Variants in ZNF816 observed in about 807,000 individuals in gnomAD.
ZNF816 encodes the protein zinc finger protein 816, also known as zinc finger protein 816A.
ZNF816 carries 11 observed loss-of-function variants against 8.3 expected under a neutral mutation model. The ratio of observed to expected loss-of-function variants is 1.32; its 90% CI spans 0.83 to 2.19. ZNF816 has a LOEUF of 2.19. Among genes scored for constraint, ZNF816 ranks in the 30% most tolerant of loss-of-function variants. The pLI is 0.00. For missense variants in ZNF816, 710 were observed against 779.3 expected (o/e 0.91, Z 1.06); for synonymous variants, 255 against 254.5 (o/e 1.00, Z -0.02).
chr19:52,952,926 T>C lies in ZNF816; in HGVS notation c.64-49A>G, dbSNP rs185038404. 2.2e-4 allele frequency: 342 copies of C among 1,558,964 alleles called. 1 individual carries two copies. The highest frequency in any genetic ancestry group is 4.2e-4 in the Admixed American group (20 of 47,848). On this transcript the variant is annotated intron_variant, in intron 2 of 3. Coordinates refer to ENST00000444460, the MANE Select transcript of ZNF816 (RefSeq NM_001202457.3). ...CAAAACATTATGGAGGAGTGAGTTATTGCCCTCACGTGAAATGAGAAAACA... is the reference window on the plus strand; with the variant it reads ...CAAAACATTATGGAGGAGTGAGTTACTGCCCTCACGTGAAATGAGAAAACA...
chr19:52,949,508 C>A lies in ZNF816; in HGVS notation c.*311G>T. 3.4e-6 allele frequency: 2 copies of A among 586,750 alleles called. No homozygotes were observed. Among genetic ancestry groups the A allele is most frequent in the South Asian group, 3.1e-5 (2 of 65,560 alleles). The allele number at this position is 586,750 out of a possible 1,614,324, so 36.3% of individuals were successfully genotyped here. On this transcript the variant is annotated 3_prime_UTR_variant, in exon 4 of 4. Transcript: ENST00000444460. ...ACCCTTACATTTGTAAGGCATCTGT[C>A]CAGTATGAATTCTCTGATGTCTAAT...
At position 52,955,428 on chromosome 19, in the gene ZNF816, G is replaced by A. The variant is rs573166736; in HGVS notation, c.63+599C>T. Among the ~76,000 whole-genome samples the A allele has an allele frequency of 9.8e-5, 15 of 152,300 alleles. No homozygotes were observed. The South Asian group carries it at 1.7e-3, about 17-fold the overall frequency. On this transcript the variant is annotated intron_variant, in intron 2 of 3. Transcript: ENST00000444460. ...TCCCAGCAATTTGGGAAGCTCAGGT[G>A]GGAGGGCCACTTAAGCCCAGGAGTT...
intron 2 of ZNF816, among the ~76,000 whole-genome samples, chr19:52,953,692 AAATAT>A (rs2122152330): frequency 7.1e-6 from 1 of 140,906 alleles, no homozygotes; most frequent in South Asian, 2.1e-4. Flanking sequence ...ATTGTATAAT[AAATAT>A]ATTATTAAAT....
Position 52,949,877 on chromosome 19 carries a change from T to TGTCC in ZNF816, c.1894_1897dup (p.Gln633ArgfsTer15). 1 of 1,613,706 alleles carries TGTCC rather than the reference T, an allele frequency of 6.2e-7. No individual in the cohort carries two copies. The highest frequency in any genetic ancestry group is 1.3e-5 in the African/African-American group (1 of 75,014). On this transcript the variant is annotated frameshift_variant, in exon 4 of 4. Coordinates refer to ENST00000444460, the MANE Select transcript of ZNF816 (RefSeq NM_001202457.3). LOFTEE classifies it low-confidence loss of function (END_TRUNC). ...TGCTTGATGGTGAATAAGTGTTGAC[T>TGTCC]GTCCAGTAAAGGCTTTGCCACACTC...
At position 52,950,084 on chromosome 19, in the gene ZNF816, G is replaced by T. The variant is rs1368177919; in HGVS notation, c.1691C>A (p.Pro564His). The T allele has an allele frequency of 6.2e-7, 1 of 1,614,074 alleles. No individual in the cohort carries two copies. Among genetic ancestry groups the T allele is most frequent in the Non-Finnish European group, 8.5e-7 (1 of 1,179,974 alleles). Residue 564 changes from proline (P) to histidine (H), a missense_variant, in exon 4 of 4, where the codon CCT becomes CAT. Transcript: ENST00000444460. ...NHTRVHTGEK[P>H]YKCNKCAKVF... ...CTTCGCACATTTATTACACTTGTAA[G>T]GTTTCTCTCCAGTATGAACTCTCGT...
intron 2 of ZNF816, 136 bp from the exon 3 acceptor site, chr19:52,953,013 G>T: frequency 7.0e-7 from 1 of 1,419,098 alleles, no homozygotes; most frequent in Non-Finnish European, 9.2e-7. Context: ...AGGTATTTTT[G>T]AACAATTTTT....
chr19:52,956,237 G>T, intron 1 of ZNF816, 133 bp from the exon 2 acceptor site: 2 of 992,772 alleles, frequency 2.0e-6, no homozygotes, highest in Non-Finnish European at 2.9e-6. Flanking sequence ...CAGAGACCAT[G>T]CAGAGATAAG....
chr19:52,949,991 C>T lies in ZNF816; in HGVS notation c.1784G>A (p.Cys595Tyr), dbSNP rs758583292. The change falls in exon 4 of 4, where the codon TGT (cysteine) becomes TAT (tyrosine). Residue 595 changes from cysteine (C) to tyrosine (Y), a missense_variant. Transcript: ENST00000444460. ...ATTAAAAACCTTGCCACATTCATTA[C>T]ACTTGTAAGGTTTCTCTCCAGTATG... Reference protein sequence around the residue: ...RVHTGEKPYKCNECGKVFNQK... With the variant: ...RVHTGEKPYKYNECGKVFNQK... 5.6e-6 allele frequency: 9 copies of T among 1,613,808 alleles called. No homozygotes were observed. Among genetic ancestry groups the T allele is most frequent in the African/African-American group, 1.3e-5 (1 of 74,860 alleles).
At chr19:52,959,238 A>G (rs1409320619) in intron 1 of ZNF816, among the ~76,000 whole-genome samples, 1 of 152,238 alleles carries the variant, frequency 6.6e-6, no homozygotes, top group Non-Finnish European at 1.5e-5. Flanking sequence ...AAAAGACATC[A>G]TTGGCTAATG....
At position 52,951,386 on chromosome 19, in the gene ZNF816, G is replaced by A. The variant is rs767772764; in HGVS notation, c.389C>T (p.Thr130Ile). ...ACTACCAGTCAACTTTTTGATTTTTGTCATGGGTGCTTCATGGCCATTTCT... is the reference window on the plus strand; with the variant it reads ...ACTACCAGTCAACTTTTTGATTTTTATCATGGGTGCTTCATGGCCATTTCT... ...VERNGHEAPM[T>I]KIKKLTGSTD... Residue 130 changes from threonine to isoleucine, a missense_variant, in exon 4 of 4, where the codon ACA (threonine) becomes ATA (isoleucine). Coordinates refer to ENST00000444460, the MANE Select transcript of ZNF816 (RefSeq NM_001202457.3). The A allele has an allele frequency of 1.9e-6, 3 of 1,613,918 alleles. No homozygotes were observed. Among genetic ancestry groups the A allele is most frequent in the South Asian group, 2.2e-5 (2 of 91,060 alleles).
chr19:52,952,643 T>C (rs1336183246), intron 3 of ZNF816, 108 bp downstream of exon 3: 1 of 1,574,488 alleles, frequency 6.4e-7, no homozygotes, highest in South Asian at 1.2e-5. Flanking sequence ...CAATGACATG[T>C]ACATCAAAAG....
intron 3 of ZNF816, 185 bp from the exon 4 acceptor site, chr19:52,951,769 G>T: frequency 1.7e-6 from 1 of 592,810 alleles, no homozygotes; most frequent in Non-Finnish European, 2.7e-6. Flanking sequence ...ATGGTGGTGG[G>T]TGCCTGTAAT....
Position 52,950,874 on chromosome 19 carries a change from C to A in ZNF816, c.901G>T (p.Val301Leu). ...CCAGTATGAAGTCTACGATGGCATA[C>A]AAGGGATGACATCTGAGTGAAGGTC... is the stretch of plus-strand genomic sequence containing the variant. ...GKTFTQMSSLVCHRRLHTGEK... is the reference protein window; with the variant it reads ...GKTFTQMSSLLCHRRLHTGEK... Residue 301 changes from valine to leucine, a missense_variant, in exon 4 of 4, where the codon GTA becomes TTA. Transcript: ENST00000444460. 1 of 1,613,920 alleles carries A rather than the reference C, an allele frequency of 6.2e-7. No individual in the cohort carries two copies. Among genetic ancestry groups the A allele is most frequent in the East Asian group, 2.2e-5 (1 of 44,850 alleles).
intron 2 of ZNF816, among the ~76,000 whole-genome samples, chr19:52,953,541 AATACAATATTATATATAATATG>A (rs2083481809): frequency 2.2e-5 from 1 of 45,154 alleles, no homozygotes; most frequent in Non-Finnish European, 3.5e-5. Flanking sequence ...TATAATATAT[AATACAATATTATATATAATATG>A]TATTTATAAA....
chr19:52,956,432 C>T (rs1159890734), intron 1 of ZNF816, among the ~76,000 whole-genome samples: 1 of 152,212 alleles, frequency 6.6e-6, no homozygotes, highest in African/African-American at 2.4e-5. Flanking sequence ...CTGATCTCAG[C>T]TCTCAACATG....
Position 52,949,743 on chromosome 19 carries a change from T to C in ZNF816, c.*76A>G. The C allele has an allele frequency of 6.2e-7, 1 of 1,607,110 alleles. No homozygotes were observed. The highest frequency in any genetic ancestry group is 1.7e-4 in the Middle Eastern group (1 of 6,028). ...AAAAATTTGCCACATTTATTACACTTGTAGATCTCTCTTCAATATGGATTC... is the reference window on the plus strand; with the variant it reads ...AAAAATTTGCCACATTTATTACACTCGTAGATCTCTCTTCAATATGGATTC... On this transcript the variant is annotated 3_prime_UTR_variant, in exon 4 of 4. Coordinates refer to ENST00000444460, the MANE Select transcript of ZNF816 (RefSeq NM_001202457.3).
chr19:52,950,216 C>T lies in ZNF816; in HGVS notation c.1559G>A (p.Arg520His), dbSNP rs773667241. 6.8e-5 allele frequency: 110 copies of T among 1,613,374 alleles called. No homozygotes were observed. In the East Asian group the frequency reaches 1.8e-3, roughly 27 times the overall value. The part of the protein sequence containing the change: ...KCEECDKVFS[R>H]RSHLERHRRI... ...CCTATGTCTTTCAAGGTGTGATCTG[C>T]GACTGAAAACTTTGTCACATTCTTC... is the stretch of plus-strand genomic sequence containing the variant. The change falls in exon 4 of 4, where the codon CGC becomes CAC. Residue 520 changes from arginine (R) to histidine (H), a missense_variant. Transcript: ENST00000444460.
At chr19:52,953,764 A>T (rs2083486430) in intron 2 of ZNF816, among the ~76,000 whole-genome samples, 1 of 145,560 alleles carries the variant, frequency 6.9e-6, no homozygotes, top group Non-Finnish European at 1.5e-5. Flanking sequence ...ATAAGTCCAG[A>T]CATGGTGGCT....
chr19:52,961,381 G>GA (rs2083555333), intron 1 of ZNF816, among the ~76,000 whole-genome samples: 1 of 152,174 alleles, frequency 6.6e-6, no homozygotes, highest in East Asian at 1.9e-4. Flanking sequence ...ACTAAGAAAG[G>GA]AGCTGCACAG....
Sources: allele counts gnomAD v4.1 joint callset (sites outside exome capture counted in the v4.1 genomes callset), GRCh38; gene constraint gnomAD v4.1.1; transcripts MANE v1.5; gene names NCBI Gene and HGNC (gene_info 2026-07-23, HGNC 2026-07-21).